Variants in BMP5 observed in about 807,000 individuals in gnomAD.
The protein encoded by BMP5 is bone morphogenetic protein 5.
A neutral mutation model predicts 46.6 loss-of-function variants in BMP5; 23 were observed. That is an observed-to-expected ratio of 0.49 (90% CI 0.35 to 0.70). The LOEUF is 0.70. Among genes scored for constraint, BMP5 ranks in the 30% least tolerant of loss-of-function variants. The pLI is 0.00. For synonymous variants in BMP5, 204 were observed against 191.9 expected (o/e 1.06, Z -0.52); for missense variants, 545 against 565.6 (o/e 0.96, Z 0.37).
At chr6:55,840,075 T>C (rs1296948220) in intron 1 of BMP5, among the ~76,000 whole-genome samples, 1 of 152,156 alleles carries the variant, frequency 6.6e-6, no homozygotes, top group Non-Finnish European at 1.5e-5. Flanking sequence ...ATTTCAGCTA[T>C]GTTTTACAGT....
rs1348345706 is a variant in BMP5 at position 55,774,033 on chromosome 6, T to C, written c.1027+16A>G. 2 of 1,611,438 alleles carry C rather than the reference T, an allele frequency of 1.2e-6. No homozygotes were observed. The highest frequency in any genetic ancestry group is 1.1e-5 in the South Asian group (1 of 91,016). On this transcript the variant is annotated intron_variant, in intron 4 of 6. Coordinates refer to ENST00000370830, the MANE Select transcript of BMP5 (RefSeq NM_021073.4). ...ATAACTCTCTGTGCATAACTGCTGC[T>C]CGGGTTTATTCTTACCTCCAACACT...
intron 1 of BMP5, among the ~76,000 whole-genome samples, chr6:55,826,818 T>C (rs1776542949): frequency 6.6e-6 from 1 of 151,806 alleles, no homozygotes; most frequent in African/African-American, 2.4e-5. Context: ...ATCTCCCTCA[T>C]GGTACAGATA....
At chr6:55,784,562 A>G (rs970732060) in intron 3 of BMP5, among the ~76,000 whole-genome samples, 2 of 151,818 alleles carry the variant, frequency 1.3e-5, no homozygotes, top group Non-Finnish European at 3.0e-5. Context: ...GAAGTGAATC[A>G]TCAGCAGATG....
chr6:55,836,627 T>TACACACAC lies in BMP5; in HGVS notation c.491-16781_491-16780insGTGTGTGT, dbSNP rs71874169. Among the ~76,000 whole-genome samples the TACACACAC allele has an allele frequency of 7.0e-3, 889 of 127,330 alleles. 12 individuals are homozygous for TACACACAC. Among genetic ancestry groups the TACACACAC allele is most frequent in the African/African-American group, 0.025 (819 of 33,152 alleles). The allele number at this position is 127,330 out of a possible 152,430, so 83.5% of individuals were successfully genotyped here. A position where few individuals can be genotyped will look rare whatever the true frequency, so the allele number is the denominator to read the frequency against. ...ACCAACACACACACAAACACATACA[T>TACACACAC]ACATACACACACACACACACACACA... On this transcript the variant is annotated intron_variant, in intron 1 of 6. Coordinates refer to ENST00000370830, the MANE Select transcript of BMP5 (RefSeq NM_021073.4).
intron 1 of BMP5, among the ~76,000 whole-genome samples, chr6:55,834,945 G>T (rs1210173392): frequency 6.6e-6 from 1 of 152,094 alleles, no homozygotes; most frequent in Non-Finnish European, 1.5e-5. Context: ...AAATAGCTGG[G>T]CATGGTGGCA....
chr6:55,783,054 C>T (rs985967417), intron 3 of BMP5, among the ~76,000 whole-genome samples: 1 of 151,996 alleles, frequency 6.6e-6, no homozygotes, highest in Non-Finnish European at 1.5e-5. Context: ...CAGTGGCATA[C>T]GTATTGTAGT....
chr6:55,762,281 A>C (rs1582043744), intron 4 of BMP5, among the ~76,000 whole-genome samples: 1 of 152,240 alleles, frequency 6.6e-6, no homozygotes, highest in South Asian at 2.1e-4. Context: ...GTTTTTGTTA[A>C]AGTGTCACCT....
At chr6:55,809,681 T>C (rs1487010440) in intron 2 of BMP5, among the ~76,000 whole-genome samples, 2 of 152,064 alleles carry the variant, frequency 1.3e-5, no homozygotes, top group East Asian at 3.9e-4. Context: ...GATAGCCACA[T>C]ATTTTTTATA....
At chr6:55,770,619 A>C (rs1775025793) in intron 4 of BMP5, among the ~76,000 whole-genome samples, 1 of 151,988 alleles carries the variant, frequency 6.6e-6, no homozygotes, top group African/African-American at 2.4e-5. Context: ...ACAACTTGAC[A>C]ACTGTTTGTT....
intron 1 of BMP5, among the ~76,000 whole-genome samples, chr6:55,844,075 T>A (rs560111475): frequency 6.6e-6 from 1 of 152,056 alleles, no homozygotes; most frequent in South Asian, 2.1e-4. Flanking sequence ...TTGTTTTCAG[T>A]TTAATAAACT....
chr6:55,863,298 T>C (rs1412905940), intron 1 of BMP5, among the ~76,000 whole-genome samples: 2 of 152,226 alleles, frequency 1.3e-5, no homozygotes, highest in Non-Finnish European at 2.9e-5. Context: ...TTAAAAGTTG[T>C]ATACTTTTTA....
intron 1 of BMP5, among the ~76,000 whole-genome samples, chr6:55,840,657 T>A (rs1277405878): frequency 6.6e-6 from 1 of 152,186 alleles, no homozygotes; most frequent in Non-Finnish European, 1.5e-5. Context: ...CCTACAAAAG[T>A]ATGGATTTTT....
intron 1 of BMP5, among the ~76,000 whole-genome samples, chr6:55,854,510 A>G (rs992885312): frequency 6.6e-6 from 1 of 152,000 alleles, no homozygotes; most frequent in Non-Finnish European, 1.5e-5. Context: ...ATATGCATAT[A>G]TATTTATCAT....
intron 2 of BMP5, among the ~76,000 whole-genome samples, chr6:55,794,730 G>A (rs961254347): frequency 1.9e-4 from 29 of 152,118 alleles, no homozygotes; most frequent in African/African-American, 6.5e-4. Flanking sequence ...CAGTGTTCCC[G>A]GTAACCACCA....
intron 1 of BMP5, among the ~76,000 whole-genome samples, chr6:55,861,594 C>T (rs1239599693): frequency 6.6e-6 from 1 of 152,132 alleles, no homozygotes; most frequent in Non-Finnish European, 1.5e-5. Context: ...GCTTCTTTTC[C>T]TCTGTTTCAT....
rs1777851099 is a variant in BMP5, at chr6:55,874,368, C to A, written c.490+8G>T. The A allele has an allele frequency of 2.5e-6, 4 of 1,612,826 alleles. No individual in the cohort carries two copies. The highest frequency in any genetic ancestry group is 2.5e-6 in the Non-Finnish European group (3 of 1,179,314). ...TAACATAGATTAACAAACAAATGAACAACATACCTAAGTTGACAAAGCTCA... is the reference window on the plus strand; with the variant it reads ...TAACATAGATTAACAAACAAATGAAAAACATACCTAAGTTGACAAAGCTCA... On this transcript the variant is annotated splice_region_variant and intron_variant, in intron 1 of 6. Coordinates refer to ENST00000370830, the MANE Select transcript of BMP5 (RefSeq NM_021073.4).
chr6:55,846,988 A>C (rs893468562), intron 1 of BMP5, among the ~76,000 whole-genome samples: 4 of 151,598 alleles, frequency 2.6e-5, no homozygotes, highest in Admixed American at 6.6e-5. Context: ...ATTGCTCTAA[A>C]ATTTCAAAAA....
intron 2 of BMP5, among the ~76,000 whole-genome samples, chr6:55,809,126 G>A (rs907763936): frequency 1.3e-5 from 2 of 152,118 alleles, no homozygotes; most frequent in African/African-American, 4.8e-5. Context: ...ATTAAAAGAA[G>A]ATTAAATGAA....
At chr6:55,764,184 T>C (rs1344416622) in intron 4 of BMP5, among the ~76,000 whole-genome samples, 1 of 152,104 alleles carries the variant, frequency 6.6e-6, no homozygotes, top group East Asian at 1.9e-4. Context: ...GCAGCACTAT[T>C]CACAAGATAC....
Sources: allele counts gnomAD v4.1 joint callset (sites outside exome capture counted in the v4.1 genomes callset), GRCh38; gene constraint gnomAD v4.1.1; transcripts MANE v1.5; gene names NCBI Gene and HGNC (gene_info 2026-07-23, HGNC 2026-07-21).